The following TRIM2 variants were observed in gnomAD, a reference collection of about 807,000 sequenced individuals.
TRIM2 encodes the protein tripartite motif containing 2, also known as tripartite motif-containing protein 2.
TRIM2 carries 20 observed loss-of-function variants against 75.2 expected under a neutral mutation model. The observed-to-expected ratio is 0.27, with a 90% CI of 0.19 to 0.39. The LOEUF is 0.39. TRIM2 is among the 10% of genes least tolerant of loss of function. TRIM2 has a pLI of 1.00. For missense variants in TRIM2, 660 were observed against 990.8 expected (o/e 0.67, Z 4.48); for synonymous variants, 373 against 388.3 (o/e 0.96, Z 0.46).
intron 1 of TRIM2, among the ~76,000 whole-genome samples, chr4:153,176,793 T>G (rs564610023): frequency 6.6e-6 from 1 of 152,064 alleles, no homozygotes; most frequent in Non-Finnish European, 1.5e-5. Context: ...GAATTTTTAG[T>G]AGAGACAGGG....
chr4:153,335,977 T>C lies in TRIM2; in HGVS notation c.*1011T>C. ...ATGTGATTGATTAATGATTCCCCCT[T>C]AGAAAGCAAGTGTTACCAAAGTTGT... is the stretch of plus-strand genomic sequence containing the variant. On this transcript the variant is annotated 3_prime_UTR_variant, in exon 12 of 12. Transcript: ENST00000338700. 1 of 985,832 alleles carries C rather than the reference T, an allele frequency of 1.0e-6. No homozygotes were observed. Among genetic ancestry groups the C allele is most frequent in the Non-Finnish European group, 1.2e-6 (1 of 829,922 alleles). The allele number at this position is 985,832 out of a possible 1,614,324, so 61.1% of individuals were successfully genotyped here. A position where few individuals can be genotyped will look rare whatever the true frequency, so the allele number is the denominator to read the frequency against.
chr4:153,322,329 T>G lies in TRIM2; in HGVS notation c.1783-319T>G, dbSNP rs190713702. On this transcript the variant is annotated intron_variant, in intron 8 of 11. Coordinates refer to ENST00000338700, the MANE Select transcript of TRIM2 (RefSeq NM_015271.5). The stretch of plus-strand genomic sequence containing the variant: ...AGGAGGCTGAGGCAGGAGAATTGCA[T>G]GAACCCAGGAGGTGGAGGTTGCAGT... 0.019 allele frequency among the ~76,000 whole-genome samples: 2,837 copies of G among 152,286 alleles called. 32 individuals are homozygous for G. Among genetic ancestry groups the G allele is most frequent in the Non-Finnish European group, 0.027 (1,814 of 68,018 alleles).
Position 153,337,112 on chromosome 4 carries a change from T to C in TRIM2, c.*2146T>C, listed in dbSNP as rs1337423887. On this transcript the variant is annotated 3_prime_UTR_variant, in exon 12 of 12. Transcript: ENST00000338700. ...ATTTCATTTTGCCACGTACTAACGT[T>C]CTGCACAAAAGACAGGCTAGACTCT... The C allele has an allele frequency of 8.1e-6, 8 of 985,296 alleles. No homozygotes were observed. The highest frequency in any genetic ancestry group is 9.6e-6 in the Non-Finnish European group (8 of 829,936). The allele number at this position is 985,296 out of a possible 1,614,324, so 61.0% of individuals were successfully genotyped here.
At chr4:153,161,985 G>A (rs536434281) in intron 1 of TRIM2, among the ~76,000 whole-genome samples, 59 of 152,184 alleles carry the variant, frequency 3.9e-4, no homozygotes, top group Non-Finnish European at 6.9e-4. Flanking sequence ...AATGAAATTC[G>A]TGTGTACATT....
intron 6 of TRIM2, among the ~76,000 whole-genome samples, chr4:153,313,067 C>T (rs915019055): frequency 6.6e-6 from 1 of 152,158 alleles, no homozygotes; most frequent in African/African-American, 2.4e-5. Context: ...ATTTAACTTA[C>T]ATGTGGGAAA....
Position 153,204,474 on chromosome 4 carries a change from TCTGCGGG to T in TRIM2, c.-49_-43del. ...TTGATGACTATAATGGGCCCAGTTG[TCTGCGGG>T]CTGCGGGGAGCTAAGTCCCCAGATT... On this transcript the variant is annotated 5_prime_UTR_variant, in exon 1 of 12. Coordinates refer to ENST00000338700, the MANE Select transcript of TRIM2 (RefSeq NM_015271.5). 1.3e-6 allele frequency: 2 copies of T among 1,548,756 alleles called. No homozygotes were observed. The highest frequency in any genetic ancestry group is 1.7e-6 in the Non-Finnish European group (2 of 1,144,460).
intron 1 of TRIM2, chr4:153,265,812 T>C (rs1005523463): frequency 3.9e-5 from 6 of 152,226 alleles, no homozygotes; most frequent in African/African-American, 1.4e-4. Flanking sequence ...ACTTACGTCA[T>C]CAATTTATCA....
At chr4:153,180,487 C>T (rs965386931) in intron 1 of TRIM2, among the ~76,000 whole-genome samples, 2 of 152,208 alleles carry the variant, frequency 1.3e-5, no homozygotes, top group Non-Finnish European at 2.9e-5. Flanking sequence ...ATCTTACCTA[C>T]AAATATTTTT....
rs887445633 is a variant in TRIM2 at position 153,295,621 on chromosome 4, C to T, written c.1095C>T (p.Thr365=). The change falls in exon 6 of 12, where the codon ACC becomes ACT. Residue 365 remains threonine, a synonymous_variant. Transcript: ENST00000338700. This position sits in a 1 kb window ranked among gnomAD's most constrained non-coding sequence, Gnocchi z 7.2. ...CCACGGGCGAGGGGCTGCGGCAGAC[C>T]ATCATCGGGCAGCCCATGTCCGTCA... is the stretch of plus-strand genomic sequence containing the variant. The part of the protein sequence containing the change: ...TVATGEGLRQ[T]IIGQPMSVTI... 1 of 1,614,038 alleles carries T rather than the reference C, an allele frequency of 6.2e-7. No individual in the cohort carries two copies. Among genetic ancestry groups the T allele is most frequent in the Middle Eastern group, 1.6e-4 (1 of 6,062 alleles).
In TRIM2 at chr4:153,244,393, C is replaced by A. The variant is rs1270021350; in HGVS notation, c.31-25942C>A. 3.8e-5 allele frequency among the ~76,000 whole-genome samples: 3 copies of A among 79,766 alleles called. 1 individual carries two copies. The highest frequency in any genetic ancestry group is 2.5e-4 in the African/African-American group (3 of 12,154). 52.3% of individuals were successfully genotyped at this position (79,766 alleles called of 152,430 possible). ...TCTTCTTCTTCTTCTTCTTCTTCTT[C>A]TTCTTCTTCTTCTTCTTCTTCTTCT... is the stretch of plus-strand genomic sequence containing the variant. On this transcript the variant is annotated intron_variant, in intron 1 of 11. Transcript: ENST00000338700.
chr4:153,220,135 C>A (rs949753605), intron 1 of TRIM2, among the ~76,000 whole-genome samples: 4 of 151,842 alleles, frequency 2.6e-5, no homozygotes, highest in African/African-American at 9.7e-5. Context: ...GGGTTTTGAG[C>A]CAGAATTGGG....
At chr4:153,294,900 G>A (rs180812160) in intron 5 of TRIM2, among the ~76,000 whole-genome samples, 1 of 152,322 alleles carries the variant, frequency 6.6e-6, no homozygotes, top group African/African-American at 2.4e-5. Context: ...AGAAACCTCT[G>A]ATGTTCAGGT....
intron 3 of TRIM2, among the ~76,000 whole-genome samples, chr4:153,284,716 T>C (rs942539711): frequency 3.0e-4 from 46 of 152,258 alleles, no homozygotes; most frequent in Non-Finnish European, 5.9e-5. Context: ...TATTTTCATG[T>C]GCTAATTGAC....
rs913565311 is a variant in TRIM2, at chr4:153,339,068, G to A, written c.*4102G>A. On this transcript the variant is annotated 3_prime_UTR_variant, in exon 12 of 12. Transcript: ENST00000338700. ...TCTTGCACTCTCTGACATTGATACTGATATATTCTCGTCATTTGTTCTTTT... is the reference window on the plus strand; with the variant it reads ...TCTTGCACTCTCTGACATTGATACTAATATATTCTCGTCATTTGTTCTTTT... The A allele has an allele frequency of 2.0e-6, 2 of 985,216 alleles. No individual in the cohort carries two copies. Among genetic ancestry groups the A allele is most frequent in the East Asian group, 2.3e-4 (2 of 8,806 alleles). The allele number at this position is 985,216 out of a possible 1,614,324, so 61.0% of individuals were successfully genotyped here. A position where few individuals can be genotyped will look rare whatever the true frequency, so the allele number is the denominator to read the frequency against.
At chr4:153,241,014 T>G (rs1419188238) in intron 1 of TRIM2, among the ~76,000 whole-genome samples, 1 of 152,028 alleles carries the variant, frequency 6.6e-6, no homozygotes, top group Non-Finnish European at 1.5e-5. Flanking sequence ...GAGGCGGAGG[T>G]TGCAGTGAGC....
rs139246312 is a variant in TRIM2 at position 153,300,988 on chromosome 4, T to C, written c.1510+4952T>C. On this transcript the variant is annotated intron_variant, in intron 6 of 11. Coordinates refer to ENST00000338700, the MANE Select transcript of TRIM2 (RefSeq NM_015271.5). ...GGCGGATCACCTGAGGGCAGGAGTT[T>C]GAGACTAGCCTAGCCAACATGATGA... Among the ~76,000 whole-genome samples, 1,027 of 151,952 alleles carry C rather than the reference T, an allele frequency of 6.8e-3. 12 individuals carry two copies. Among genetic ancestry groups the C allele is most frequent in the African/African-American group, 0.023 (969 of 41,436 alleles).
intron 1 of TRIM2, among the ~76,000 whole-genome samples, chr4:153,154,856 TTGGCCAG>T (rs1350307073): frequency 4.6e-5 from 7 of 152,288 alleles, no homozygotes; most frequent in African/African-American, 1.7e-4. Context: ...TTGCCCCAAA[TTGGCCAG>T]GCACAGTGGC....
intron 1 of TRIM2, among the ~76,000 whole-genome samples, chr4:153,210,404 T>C (rs1170751071): frequency 6.6e-5 from 10 of 152,118 alleles, no homozygotes; most frequent in Admixed American, 6.6e-4. Context: ...TCAAGCAAAA[T>C]GTTGCTGAGG....
At chr4:153,268,315 G>C (rs1339441951) in intron 1 of TRIM2, among the ~76,000 whole-genome samples, 1 of 152,182 alleles carries the variant, frequency 6.6e-6, no homozygotes, top group Non-Finnish European at 1.5e-5. Context: ...GTCCTACAAA[G>C]GGAGACTGGT....
Sources: gnomAD v4.1 joint callset for allele counts (sites outside exome capture counted in the v4.1 genomes callset) on GRCh38, gnomAD v4.1.1 for gene constraint, Gnocchi (gnomAD v3.1) non-coding constraint, MANE v1.5 for transcripts, NCBI Gene and HGNC (gene_info 2026-07-23, HGNC 2026-07-21) for gene names.